Variants in TMCO4 observed in about 807,000 individuals in gnomAD.
TMCO4 encodes transmembrane and coiled-coil domains 4, also known as transmembrane and coiled-coil domain-containing protein 4.
Under a neutral mutation model 64.7 loss-of-function variants are expected in TMCO4, and 58 were observed. That is an observed-to-expected ratio of 0.90 (90% CI 0.73 to 1.12). TMCO4 has a LOEUF of 1.12. Ranked by LOEUF, TMCO4 falls within the 50% of genes most tolerant of loss-of-function variation. TMCO4 has a pLI of 0.00. For synonymous variants in TMCO4, 325 were observed against 346.1 expected (o/e 0.94, Z 0.68); for missense variants, 780 against 825.9 (o/e 0.94, Z 0.68).
At position 19,682,719 on chromosome 1, in the gene TMCO4, G is replaced by A. The variant is rs1455278991; in HGVS notation, c.*321C>T. The A allele has an allele frequency of 2.6e-5, 19 of 717,744 alleles. No individual in the cohort carries two copies. The Admixed American group carries it at 3.6e-4, about 14-fold the overall frequency. 44.5% of individuals were successfully genotyped at this position (717,744 alleles called of 1,614,324 possible). ...ATGGACAGCCAGACTCCAAAGCTAT[G>A]AGAAGTACAGAAAGCCCACAGTTGG... On this transcript the variant is annotated 3_prime_UTR_variant, in exon 16 of 16. Coordinates refer to ENST00000294543, the MANE Select transcript of TMCO4 (RefSeq NM_181719.7).
At chr1:19,786,995 T>G (rs1475631659) in intron 3 of TMCO4, 31 bp downstream of exon 3, 1 of 152,204 alleles carries the variant, frequency 6.6e-6, no homozygotes, top group Non-Finnish European at 1.5e-5. Flanking sequence ...AATAAGGGGC[T>G]ACTGAAGGAA....
rs565957225 is a variant in TMCO4, at chr1:19,752,412, T to G, written c.515+3222A>C. ...TGCAGATTTGGGCCAAATCCCAGGC[T>G]GAAGCCAGAGATACCTCCTGAAGAG... On this transcript the variant is annotated intron_variant, in intron 7 of 15. Coordinates refer to ENST00000294543, the MANE Select transcript of TMCO4 (RefSeq NM_181719.7). Among the ~76,000 whole-genome samples the G allele has an allele frequency of 2.4e-4, 37 of 152,330 alleles. 1 individual carries two copies. The South Asian group carries it at 4.1e-3, about 17-fold the overall frequency.
intron 13 of TMCO4, 73 bp from the exon 14 acceptor site, chr1:19,700,958 G>A: frequency 8.4e-7 from 1 of 1,186,970 alleles, no homozygotes; most frequent in African/African-American, 1.5e-5. Context: ...TCCAACAGCA[G>A]TGGAGGAGAT....
At chr1:19,788,868 G>A (rs1260810593) in intron 2 of TMCO4, among the ~76,000 whole-genome samples, 3 of 151,922 alleles carry the variant, frequency 2.0e-5, no homozygotes, top group African/African-American at 7.3e-5. Flanking sequence ...GAGGTCAGGA[G>A]ATCAAGACCA....
At chr1:19,794,726 C>T (rs541667075) in intron 2 of TMCO4, among the ~76,000 whole-genome samples, 1 of 152,060 alleles carries the variant, frequency 6.6e-6, no homozygotes, top group Non-Finnish European at 1.5e-5. Context: ...TCACCATAGC[C>T]GAGAGTTGGA....
At chr1:19,776,314 C>T (rs761539389) in intron 4 of TMCO4, among the ~76,000 whole-genome samples, 2 of 152,210 alleles carry the variant, frequency 1.3e-5, no homozygotes, top group African/African-American at 2.4e-5. Context: ...AAACACTCCA[C>T]GGCAAATGCT....
intron 15 of TMCO4, among the ~76,000 whole-genome samples, chr1:19,694,002 G>A (rs1162884815): frequency 6.6e-6 from 1 of 152,074 alleles, no homozygotes; most frequent in Non-Finnish European, 1.5e-5. Context: ...GTATATCTAT[G>A]TGTGTTTTTG....
intron 12 of TMCO4, among the ~76,000 whole-genome samples, chr1:19,738,834 C>T (rs906888796): frequency 6.6e-6 from 1 of 152,228 alleles, no homozygotes. Flanking sequence ...AGAATAAATA[C>T]TATATTTCCC....
At chr1:19,777,711 A>C (rs1428078586) in intron 4 of TMCO4, among the ~76,000 whole-genome samples, 1 of 152,176 alleles carries the variant, frequency 6.6e-6, no homozygotes, top group Admixed American at 6.5e-5. Flanking sequence ...AAGTGAAAAA[A>C]ACAAATCTCC....
At position 19,745,447 on chromosome 1, in the gene TMCO4, C is replaced by G. The variant is rs761038611; in HGVS notation, c.877+85G>C. On this transcript the variant is annotated intron_variant, in intron 10 of 15. Coordinates refer to ENST00000294543, the MANE Select transcript of TMCO4 (RefSeq NM_181719.7). ...AAATGGGGCTCCCTATACCTGCTCC[C>G]TAGTGCAGGTAAAAACCTAGCCCAG... 4.4e-6 allele frequency: 7 copies of G among 1,591,574 alleles called. No homozygotes were observed. In the Admixed American group the frequency reaches 1.2e-4, roughly 27 times the overall value.
At chr1:19,712,972 C>T (rs1049868516) in intron 13 of TMCO4, among the ~76,000 whole-genome samples, 4 of 152,178 alleles carry the variant, frequency 2.6e-5, no homozygotes, top group Non-Finnish European at 4.4e-5. Context: ...GTGGGATGAG[C>T]CAGCTTTGCT....
At chr1:19,766,380 C>G (rs1187488222) in intron 6 of TMCO4, among the ~76,000 whole-genome samples, 1 of 152,092 alleles carries the variant, frequency 6.6e-6, no homozygotes, top group East Asian at 1.9e-4. Context: ...TTCTTAGAAC[C>G]CAAGACAGTT....
rs1231806620 is a variant in TMCO4, at chr1:19,734,912, T to C, written c.1264+2460A>G. On this transcript the variant is annotated intron_variant, in intron 13 of 15. Coordinates refer to ENST00000294543, the MANE Select transcript of TMCO4 (RefSeq NM_181719.7). The surrounding 1 kb of genome is among the most constrained non-coding windows in gnomAD (Gnocchi z 4.4). ...CAGTGAGGGAGGAATGTGATCACAC[T>C]TGCAAGTGCTTGGAACACAGCCTGG... Among the ~76,000 whole-genome samples the C allele has an allele frequency of 6.6e-6, 1 of 152,066 alleles. No homozygotes were observed. The highest frequency in any genetic ancestry group is 6.6e-5 in the Admixed American group (1 of 15,266).
In TMCO4 at chr1:19,732,364, T is replaced by G. The variant is rs1233698532; in HGVS notation, c.1264+5008A>C. ...TTTTAAAATTTTTTGTAGAGGCAAA[T>G]TATGTTGCCCAGGCTGGTCTTGAAC... On this transcript the variant is annotated intron_variant, in intron 13 of 15. Transcript: ENST00000294543. The surrounding 1 kb of genome is among the most constrained non-coding windows in gnomAD (Gnocchi z 4.8). Among the ~76,000 whole-genome samples the G allele has an allele frequency of 6.6e-6, 1 of 151,678 alleles. No homozygotes were observed. The highest frequency in any genetic ancestry group is 1.9e-4 in the East Asian group (1 of 5,144).
In TMCO4 at chr1:19,757,155, G is replaced by T. The variant is rs565335981; in HGVS notation, c.383-1389C>A. 4.0e-5 allele frequency among the ~76,000 whole-genome samples: 5 copies of T among 124,272 alleles called. 1 individual carries two copies. The highest frequency in any genetic ancestry group is 2.4e-4 in the Admixed American group (3 of 12,536). The allele number at this position is 124,272 out of a possible 152,430, so 81.5% of individuals were successfully genotyped here. A position where few individuals can be genotyped will look rare whatever the true frequency, so the allele number is the denominator to read the frequency against. On this transcript the variant is annotated intron_variant, in intron 6 of 15. Transcript: ENST00000294543. ...AAAATACAAAAATTAGCCAGGCGTGGTGGCGGGGGGGGGCGCCTGTAATTT... is the reference window on the plus strand; with the variant it reads ...AAAATACAAAAATTAGCCAGGCGTGTTGGCGGGGGGGGGCGCCTGTAATTT...
At chr1:19,700,239 G>T (rs1359914875) in intron 14 of TMCO4, among the ~76,000 whole-genome samples, 1 of 152,078 alleles carries the variant, frequency 6.6e-6, no homozygotes, top group Admixed American at 6.6e-5. Flanking sequence ...TCCTCTGGCT[G>T]GAGGGTCTGT....
chr1:19,777,950 G>C (rs993890726), intron 4 of TMCO4, among the ~76,000 whole-genome samples: 1 of 152,138 alleles, frequency 6.6e-6, no homozygotes, highest in Admixed American at 6.5e-5. Context: ...GGTGGGGGAA[G>C]ACCACTTGGG....
At chr1:19,724,317 T>C (rs1161945781) in intron 13 of TMCO4, among the ~76,000 whole-genome samples, 2 of 152,152 alleles carry the variant, frequency 1.3e-5, no homozygotes, top group Admixed American at 1.3e-4. Flanking sequence ...ACATCCACCA[T>C]ATAAAAAGGC....
At chr1:19,689,711 A>G (rs928570172) in intron 15 of TMCO4, among the ~76,000 whole-genome samples, 1 of 152,202 alleles carries the variant, frequency 6.6e-6, no homozygotes, top group Non-Finnish European at 1.5e-5. Context: ...TCTTCAGCAG[A>G]TGCTTTTTAT....
Sources: allele counts gnomAD v4.1 joint callset (sites outside exome capture counted in the v4.1 genomes callset), GRCh38; gene constraint gnomAD v4.1.1; non-coding constraint Gnocchi (gnomAD v3.1); transcripts MANE v1.5; gene names NCBI Gene and HGNC (gene_info 2026-07-23, HGNC 2026-07-21).